KLHL5: variants seen among roughly 807,000 people sequenced by gnomAD.
KLHL5 encodes kelch like family member 5, also known as kelch-like protein 5.
A neutral mutation model predicts 77.7 loss-of-function variants in KLHL5; 48 were observed. The observed-to-expected ratio is 0.62, with a 90% CI of 0.49 to 0.79. KLHL5 has a LOEUF of 0.79. Ranked by LOEUF, KLHL5 falls within the 30% of genes least tolerant of loss-of-function variation. The pLI is 0.00. For missense variants in KLHL5, 723 were observed against 859.7 expected, an observed-to-expected ratio of 0.84 and a Z score of 1.99; for synonymous variants, 260 against 297.0, an observed-to-expected ratio of 0.88 and a Z score of 1.28.
chr4:39,135,687 T>G, the KLHL5 span: 2 of 152,212 alleles, frequency 1.3e-5, no homozygotes, highest in African/African-American at 4.8e-5. Context: ...GTGGATCACC[T>G]GAAGTCAGGA....
At chr4:39,101,947 CATAT>C (rs1188181663) in intron 6 of KLHL5, among the ~76,000 whole-genome samples, 17 of 76,932 alleles carry the variant, frequency 2.2e-4, no homozygotes, top group Non-Finnish European at 4.6e-4. Flanking sequence ...TATATACACA[CATAT>C]ATATACACAC....
chr4:39,066,586 A>G (rs775951929), intron 1 of KLHL5, among the ~76,000 whole-genome samples: 5 of 152,190 alleles, frequency 3.3e-5, no homozygotes, highest in Non-Finnish European at 7.3e-5. Context: ...GTATGTCCCA[A>G]TAAACCCACA....
chr4:39,115,469 GAA>G, intron 10 of KLHL5, 139 bp downstream of exon 10: 1 of 1,515,798 alleles, frequency 6.6e-7, no homozygotes, highest in African/African-American at 1.4e-5. Flanking sequence ...TTAGCGATGA[GAA>G]AAAGAGGCAA....
chr4:39,047,926 C>T (rs182414581), intron 1 of KLHL5, among the ~76,000 whole-genome samples: 90 of 152,314 alleles, frequency 5.9e-4, no homozygotes, highest in African/African-American at 2.1e-3. Flanking sequence ...GCTGTATGTG[C>T]AGGGTTGTTT....
At chr4:39,072,075 G>A (rs778425047) in intron 1 of KLHL5, among the ~76,000 whole-genome samples, 1 of 152,056 alleles carries the variant, frequency 6.6e-6, no homozygotes, top group Non-Finnish European at 1.5e-5. Flanking sequence ...TGTCTACTGA[G>A]TTTACTAAAA....
intron 10 of KLHL5, among the ~76,000 whole-genome samples, chr4:39,118,475 G>T (rs1354166546): frequency 1.3e-5 from 2 of 152,198 alleles, no homozygotes; most frequent in East Asian, 3.9e-4. Flanking sequence ...AAGACTGGGG[G>T]CAGGGCGCAG....
intron 6 of KLHL5, among the ~76,000 whole-genome samples, chr4:39,097,194 C>T (rs1325282451): frequency 6.6e-6 from 1 of 152,088 alleles, no homozygotes; most frequent in East Asian, 1.9e-4. Flanking sequence ...GGTTCCACAC[C>T]TATACAAATA....
chr4:39,109,485 G>A (rs1218674765), intron 8 of KLHL5, among the ~76,000 whole-genome samples: 1 of 151,990 alleles, frequency 6.6e-6, no homozygotes, highest in Non-Finnish European at 1.5e-5. Flanking sequence ...ATTTTGTAGA[G>A]ACGGGGTTTC....
intron 1 of KLHL5, among the ~76,000 whole-genome samples, chr4:39,063,310 C>A (rs777960884): frequency 1.2e-4 from 18 of 151,910 alleles, no homozygotes; most frequent in Admixed American, 2.0e-4. Flanking sequence ...TATATAGTAG[C>A]AATTTCATGT....
At chr4:39,069,463 T>C (rs1328094393) in intron 1 of KLHL5, among the ~76,000 whole-genome samples, 7 of 56,386 alleles carry the variant, frequency 1.2e-4, no homozygotes, top group African/African-American at 4.0e-4. Context: ...TATATATATA[T>C]ATATATATAT....
At chr4:39,101,126 T>TATACATATATATATCTA in intron 6 of KLHL5, among the ~76,000 whole-genome samples, 1 of 134,850 alleles carries the variant, frequency 7.4e-6, no homozygotes, top group African/African-American at 2.8e-5. Flanking sequence ...TATTTGGATT[T>TATACATATATATATCTA]TATATATATA....
chr4:39,078,419 T>G (rs1468641171), intron 2 of KLHL5, among the ~76,000 whole-genome samples: 1 of 148,980 alleles, frequency 6.7e-6, no homozygotes, highest in Non-Finnish European at 1.5e-5. Context: ...TAGGCCAGGC[T>G]TGGTAGGCTC....
chr4:39,121,510 A>G lies in KLHL5; in HGVS notation c.*444A>G, dbSNP rs1218898518. 1.3e-5 allele frequency: 2 copies of G among 159,298 alleles called. No individual in the cohort carries two copies. Among genetic ancestry groups the G allele is most frequent in the African/African-American group, 4.8e-5 (2 of 41,596 alleles). The allele number at this position is 159,298 out of a possible 1,614,324, so 9.9% of individuals were successfully genotyped here. A position where few individuals can be genotyped will look rare whatever the true frequency, so the allele number is the denominator to read the frequency against. On this transcript the variant is annotated 3_prime_UTR_variant, in exon 11 of 11. Transcript: ENST00000504108. ...AATTTGTTTGCTTGTTTGTTTAACCACAACCACTATTTTAATGATATACTA... is the reference window on the plus strand; with the variant it reads ...AATTTGTTTGCTTGTTTGTTTAACCGCAACCACTATTTTAATGATATACTA...
chr4:39,048,261 G>C (rs1441720616), intron 1 of KLHL5, among the ~76,000 whole-genome samples: 1 of 152,140 alleles, frequency 6.6e-6, no homozygotes, highest in East Asian at 1.9e-4. Flanking sequence ...GAATCCATTC[G>C]GTTCTTGTGT....
In KLHL5 at chr4:39,121,153, A is replaced by G; in HGVS notation, c.*87A>G. On this transcript the variant is annotated 3_prime_UTR_variant, in exon 11 of 11. Coordinates refer to ENST00000504108, the MANE Select transcript of KLHL5 (RefSeq NM_015990.5). ...CTATCAATGGATACATTTTTAGTAA[A>G]TGTGCATTGTCACAATCCTGGGCAC... is the stretch of plus-strand genomic sequence containing the variant. 1.9e-6 allele frequency: 2 copies of G among 1,035,238 alleles called. No homozygotes were observed. Among genetic ancestry groups the G allele is most frequent in the Non-Finnish European group, 3.0e-6 (2 of 668,416 alleles). 64.1% of individuals were successfully genotyped at this position (1,035,238 alleles called of 1,614,324 possible). A position where few individuals can be genotyped will look rare whatever the true frequency, so the allele number is the denominator to read the frequency against.
intron 2 of KLHL5, among the ~76,000 whole-genome samples, chr4:39,078,844 T>G (rs1281396387): frequency 6.6e-6 from 1 of 151,942 alleles, no homozygotes; most frequent in Non-Finnish European, 1.5e-5. Context: ...AAATTACCAC[T>G]AAAGAACTTA....
the KLHL5 span, among the ~76,000 whole-genome samples, chr4:39,141,035 T>A: frequency 6.6e-6 from 1 of 152,154 alleles, no homozygotes; most frequent in African/African-American, 2.4e-5. Context: ...GATGAGCCAA[T>A]GAAGGGAAAA....
At chr4:39,096,657 G>T in intron 5 of KLHL5, 35 bp from the exon 6 acceptor site, 2 of 1,391,156 alleles carry the variant, frequency 1.4e-6, no homozygotes, top group Non-Finnish European at 2.0e-6. Context: ...CATTTTCTTA[G>T]TCATTCAGTA....
intron 1 of KLHL5, among the ~76,000 whole-genome samples, chr4:39,056,399 C>A (rs1475513991): frequency 6.6e-6 from 1 of 152,134 alleles, no homozygotes; most frequent in Non-Finnish European, 1.5e-5. Flanking sequence ...CTGCACCCGG[C>A]CTGAATTTAA....
Sources: gnomAD v4.1 joint callset for allele counts (sites outside exome capture counted in the v4.1 genomes callset) on GRCh38, gnomAD v4.1.1 for gene constraint, MANE v1.5 for transcripts, NCBI Gene and HGNC (gene_info 2026-07-23, HGNC 2026-07-21) for gene names.